DNAH3: variants seen among roughly 807,000 people sequenced by gnomAD.
The protein encoded by DNAH3 is axonemal beta dynein heavy chain 3.
Under a neutral mutation model 432.5 loss-of-function variants are expected in DNAH3, and 332 were observed. The observed-to-expected ratio is 0.77, with a 90% CI of 0.70 to 0.84. DNAH3 has a LOEUF of 0.84. Among genes scored for constraint, DNAH3 ranks in the 40% least tolerant of loss-of-function variants. The pLI, the probability that DNAH3 is intolerant of heterozygous loss-of-function variation, is 0.00. For missense variants in DNAH3, 4,861 were observed against 5,114.0 expected, an observed-to-expected ratio of 0.95 and a Z score of 1.51; for synonymous variants, 1,956 against 1,900.2, an observed-to-expected ratio of 1.03 and a Z score of -0.76.
intron 23 of DNAH3, among the ~76,000 whole-genome samples, 153 bp from the exon 24 acceptor site, chr16:21,067,572 T>G (rs1312421000): frequency 6.6e-6 from 1 of 151,970 alleles, no homozygotes. Flanking sequence ...GGTGAATGCT[T>G]ATGGAACATG....
exon 31 of DNAH3, chr16:21,049,668 G>T (rs577401565): frequency 6.2e-7 from 1 of 1,614,158 alleles, no homozygotes; most frequent in African/African-American, 1.3e-5. Flanking sequence ...CATCGGAGCA[G>T]TTGAAGACCA....
chr16:21,074,725 G>T (rs951344536), intron 21 of DNAH3, among the ~76,000 whole-genome samples: 3 of 151,572 alleles, frequency 2.0e-5, no homozygotes, highest in African/African-American at 7.3e-5. Flanking sequence ...AAAAAAGAAA[G>T]AAAAAAAGAA....
chr16:20,944,851 T>A (rs2083974611), intron 57 of DNAH3, among the ~76,000 whole-genome samples, 188 bp from the exon 58 acceptor site: 1 of 149,676 alleles, frequency 6.7e-6, no homozygotes, highest in Non-Finnish European at 1.5e-5. Flanking sequence ...TTCTGGGGAG[T>A]GGGCATGAAA....
intron 1 of DNAH3, among the ~76,000 whole-genome samples, chr16:21,154,811 T>C (rs577005293): frequency 6.6e-6 from 1 of 152,288 alleles, no homozygotes; most frequent in East Asian, 1.9e-4. Context: ...AAATAAAGTA[T>C]CTGCCAAAGA....
rs1435792670 is a variant in DNAH3 at position 21,121,130 on chromosome 16, G to A, written c.1585-276C>T. 12 of 546,704 alleles carry A rather than the reference G, an allele frequency of 2.2e-5. No homozygotes were observed. In the African/African-American group the frequency reaches 2.2e-4, roughly 10 times the overall value. 33.9% of individuals were successfully genotyped at this position (546,704 alleles called of 1,614,324 possible). A position where few individuals can be genotyped will look rare whatever the true frequency, so the allele number is the denominator to read the frequency against. On this transcript the variant is annotated intron_variant, in intron 10 of 61. Transcript: ENST00000261383. ...AGAGAGTGAGAAGGTGGAAGGGTGA[G>A]GGAGCTAGCCAGCAAGACCCCACAG...
chr16:20,966,690 G>C (rs1286130762), intron 52 of DNAH3, among the ~76,000 whole-genome samples: 1 of 152,182 alleles, frequency 6.6e-6, no homozygotes, highest in Non-Finnish European at 1.5e-5. Flanking sequence ...TTCATGGATG[G>C]AAAAGGCAGC....
chr16:20,962,849 A>G (rs1463219216), intron 53 of DNAH3, among the ~76,000 whole-genome samples: 2 of 151,996 alleles, frequency 1.3e-5, no homozygotes, highest in African/African-American at 4.8e-5. Context: ...ATAGCAATGG[A>G]GGTCTCACTA....
intron 1 of DNAH3, among the ~76,000 whole-genome samples, chr16:21,154,937 C>CT (rs769219208): frequency 6.7e-6 from 1 of 148,674 alleles, no homozygotes; most frequent in Non-Finnish European, 1.5e-5. Flanking sequence ...TCTCAATCTT[C>CT]TTTTTCTTTC....
chr16:21,122,196 C>T, intron 9 of DNAH3, 72 bp from the exon 11 acceptor site: 2 of 1,274,548 alleles, frequency 1.6e-6, no homozygotes, highest in South Asian at 2.8e-5. Context: ...GAATTTTATA[C>T]ATTCATAGAA....
chr16:20,989,566 C>T (rs1011113621), intron 44 of DNAH3, among the ~76,000 whole-genome samples: 2 of 152,266 alleles, frequency 1.3e-5, no homozygotes, highest in Non-Finnish European at 2.9e-5. Context: ...GACTCAGGAG[C>T]CCAGCTGGCT....
chr16:20,970,046 G>A (rs1380738308), intron 51 of DNAH3, 56 bp from the exon 52 acceptor site: 9 of 1,501,976 alleles, frequency 6.0e-6, no homozygotes, highest in Non-Finnish European at 6.5e-6. Flanking sequence ...CACAATGGGG[G>A]CGAAGCAGAG....
intron 1 of DNAH3, among the ~76,000 whole-genome samples, chr16:21,157,948 T>G (rs1295985113): frequency 6.6e-6 from 1 of 150,916 alleles, no homozygotes; most frequent in African/African-American, 2.4e-5. Flanking sequence ...TGGCATCTAA[T>G]GGGTAGAGGC....
intron 53 of DNAH3, among the ~76,000 whole-genome samples, chr16:20,962,992 GAATT>G (rs1175047479): frequency 1.3e-5 from 2 of 152,054 alleles, no homozygotes; most frequent in Non-Finnish European, 2.9e-5. Context: ...AACTTTGAAT[GAATT>G]ATCAAGATAC....
chr16:21,121,832 T>G, intron 10 of DNAH3, 113 bp downstream of exon 11: 1 of 808,290 alleles, frequency 1.2e-6, no homozygotes, highest in Admixed American at 2.9e-5. Context: ...ATCTCCAAAG[T>G]GAAGCTCCCT....
intron 37 of DNAH3, 53 bp from the exon 38 acceptor site, chr16:21,027,180 T>C: frequency 2.2e-6 from 3 of 1,335,452 alleles, no homozygotes; most frequent in Non-Finnish European, 2.2e-6. Flanking sequence ...AAATTCCATC[T>C]GCAAGTAAGA....
Position 20,985,086 on chromosome 16 carries a change from A to ATT in DNAH3, c.7655_7656insAA (p.Phe2552LeufsTer6), listed in dbSNP as rs1425756260. On this transcript the variant is annotated frameshift_variant, in exon 48 of 62. Coordinates refer to ENST00000261383, the Ensembl canonical transcript of DNAH3. LOFTEE classifies it high-confidence loss of function. Reference sequence around the variant, plus strand: ...GAAGGTTCTTTCTCACCCTCTCAATAAAGAAGTTATACATAGAAAGAGGAG... The same window carrying ATT: ...GAAGGTTCTTTCTCACCCTCTCAATATTAAGAAGTTATACATAGAAAGAGGAG... 6.2e-7 allele frequency: 1 copy of ATT among 1,611,764 alleles called. No homozygotes were observed. The highest frequency in any genetic ancestry group is 2.2e-5 in the East Asian group (1 of 44,806).
At chr16:21,153,839 A>G (rs74247300) in intron 1 of DNAH3, among the ~76,000 whole-genome samples, 3 of 152,166 alleles carry the variant, frequency 2.0e-5, no homozygotes, top group East Asian at 1.9e-4. Flanking sequence ...CAATAGAACC[A>G]AGTACTTCCA....
intron 20 of DNAH3, among the ~76,000 whole-genome samples, chr16:21,077,123 C>A (rs566496006): frequency 1.3e-5 from 2 of 152,246 alleles, no homozygotes; most frequent in East Asian, 3.9e-4. Flanking sequence ...CCTCTTCTTT[C>A]CATCTTTGTT....
intron 56 of DNAH3, 96 bp from the exon 57 acceptor site, chr16:20,948,733 C>T: frequency 7.3e-7 from 1 of 1,373,590 alleles, no homozygotes; most frequent in Non-Finnish European, 1.0e-6. Context: ...GGCCAAAGAT[C>T]TCTGCTGGGA....
Sources: allele counts gnomAD v4.1 joint callset (sites outside exome capture counted in the v4.1 genomes callset), GRCh38; gene constraint gnomAD v4.1.1; transcripts MANE v1.5; gene names NCBI Gene and HGNC (gene_info 2026-07-23, HGNC 2026-07-21).